The following NLGN4X variants were observed in gnomAD, a reference collection of about 807,000 sequenced individuals.
The protein encoded by NLGN4X is neuroligin 4 X-linked.
NLGN4X carries 3 observed loss-of-function variants against 40.3 expected under a neutral mutation model. The ratio of observed to expected loss-of-function variants is 0.07; its 90% CI spans 0.03 to 0.19. The LOEUF is 0.19. NLGN4X is among the 10% of genes least tolerant of loss of function. NLGN4X has a pLI of 1.00. For synonymous variants in NLGN4X, 270 were observed against 306.8 expected (o/e 0.88, Z 1.25); for missense variants, 382 against 708.3 (o/e 0.54, Z 5.23).
At chrX:5,977,599 G>A (rs952736174) in intron 3 of NLGN4X, among the ~76,000 whole-genome samples, 13 of 110,345 alleles carry the variant, frequency 1.2e-4, no homozygotes, top group Non-Finnish European at 2.3e-4. Context: ...GGCAAAAACG[G>A]TATATATTTA....
At chrX:6,125,552 C>T (rs2039524522) in intron 2 of NLGN4X, among the ~76,000 whole-genome samples, 2 of 109,549 alleles carry the variant, frequency 1.8e-5, no homozygotes, top group African/African-American at 6.6e-5. Context: ...ATACAAAATA[C>T]TATTTTAATA....
At chrX:6,086,898 C>T (rs1486068329) in intron 2 of NLGN4X, among the ~76,000 whole-genome samples, 1 of 111,396 alleles carries the variant, frequency 9.0e-6, no homozygotes, top group Non-Finnish European at 1.9e-5. Flanking sequence ...TCTCCCAAAG[C>T]GCTGCAGTCA....
intron 2 of NLGN4X, among the ~76,000 whole-genome samples, chrX:6,031,565 C>A (rs1228282766): frequency 9.0e-6 from 1 of 111,567 alleles, no homozygotes; most frequent in Admixed American, 9.5e-5. Flanking sequence ...GGTCAAAAGA[C>A]CCTGTCATGG....
chrX:6,164,345 T>C (rs1013789991), intron 1 of NLGN4X, among the ~76,000 whole-genome samples: 1 of 112,443 alleles, frequency 8.9e-6, no homozygotes, highest in Non-Finnish European at 1.9e-5. Context: ...ATATTGATCA[T>C]GTAAAGGAAA....
At chrX:6,206,709 G>A (rs1018690700) in intron 1 of NLGN4X, among the ~76,000 whole-genome samples, 3 of 111,524 alleles carry the variant, frequency 2.7e-5, no homozygotes, top group Non-Finnish European at 5.6e-5. Context: ...TCAGATGGCC[G>A]TCTTCACCCT....
At chrX:5,949,859 C>A (rs1359961212) in intron 3 of NLGN4X, among the ~76,000 whole-genome samples, 1 of 111,426 alleles carries the variant, frequency 9.0e-6, no homozygotes, top group Non-Finnish European at 1.9e-5. Context: ...ATGAAACTTA[C>A]AACCAACAGC....
chrX:5,890,389 TC>T lies in NLGN4X; in HGVS notation c.*2427del. ...GTACTAAAATCACTTTTGATCATAA[TC>T]CCCTGTAAAAGCTAAAGTTATTCAC... On this transcript the variant is annotated 3_prime_UTR_variant, in exon 6 of 6. Coordinates refer to ENST00000381095, the MANE Select transcript of NLGN4X (RefSeq NM_181332.3). 1 of 238,987 alleles carries T rather than the reference TC, an allele frequency of 4.2e-6. No individual in the cohort carries two copies. The highest frequency in any genetic ancestry group is 4.8e-5 in the South Asian group (1 of 20,844). The allele number at this position is 238,987 out of a possible 1,213,427, so 19.7% of individuals were successfully genotyped here. A position where few individuals can be genotyped will look rare whatever the true frequency, so the allele number is the denominator to read the frequency against.
At chrX:6,188,354 C>CT (rs979936740) in intron 1 of NLGN4X, among the ~76,000 whole-genome samples, 3 of 111,911 alleles carry the variant, frequency 2.7e-5, no homozygotes, top group East Asian at 2.8e-4. Context: ...GAGGAGAAAT[C>CT]TTTTTTAGCA....
intron 3 of NLGN4X, among the ~76,000 whole-genome samples, chrX:6,005,010 C>T (rs777518546): frequency 8.9e-6 from 1 of 111,816 alleles, no homozygotes; most frequent in Non-Finnish European, 1.9e-5. Context: ...TATTGCAATC[C>T]AGCAAGAAAA....
intron 2 of NLGN4X, among the ~76,000 whole-genome samples, chrX:6,092,429 T>C (rs758599577): frequency 8.9e-6 from 1 of 112,010 alleles, no homozygotes; most frequent in Non-Finnish European, 1.9e-5. Context: ...GTGGAGAATT[T>C]GGACCCTTGA....
At chrX:6,013,802 A>T (rs1239429770) in intron 3 of NLGN4X, among the ~76,000 whole-genome samples, 2 of 110,357 alleles carry the variant, frequency 1.8e-5, no homozygotes, top group African/African-American at 6.6e-5. Flanking sequence ...GACTTCAGTG[A>T]GCTATGATTA....
At chrX:6,054,881 C>A (rs756449628) in intron 2 of NLGN4X, among the ~76,000 whole-genome samples, 1 of 111,885 alleles carries the variant, frequency 8.9e-6, no homozygotes. Flanking sequence ...TAGTCTCGAA[C>A]TCCTGACCTC....
chrX:6,116,828 A>C (rs2039314263), intron 2 of NLGN4X, among the ~76,000 whole-genome samples: 1 of 111,018 alleles, frequency 9.0e-6, no homozygotes. Flanking sequence ...CCAAGTGCCA[A>C]GAAGTGCTTT....
chrX:6,003,893 T>C (rs2036035377), intron 3 of NLGN4X, among the ~76,000 whole-genome samples: 1 of 111,221 alleles, frequency 9.0e-6, no homozygotes, highest in Non-Finnish European at 1.9e-5. Flanking sequence ...GGGGCTGGTA[T>C]GGAGTTCATT....
intron 3 of NLGN4X, among the ~76,000 whole-genome samples, chrX:5,997,212 T>A (rs1307737715): frequency 9.3e-6 from 1 of 107,082 alleles, no homozygotes; most frequent in Non-Finnish European, 1.9e-5. Flanking sequence ...TGTATATATA[T>A]CTATATATAT....
At chrX:6,005,751 CAT>C (rs1349509174) in intron 3 of NLGN4X, among the ~76,000 whole-genome samples, 1 of 111,293 alleles carries the variant, frequency 9.0e-6, no homozygotes, top group African/African-American at 3.3e-5. Context: ...TAACTGGACT[CAT>C]ATCGCAGGAA....
intron 2 of NLGN4X, among the ~76,000 whole-genome samples, chrX:6,052,951 C>T (rs1027989295): frequency 4.5e-5 from 5 of 112,202 alleles, no homozygotes; most frequent in Non-Finnish European, 9.4e-5. Context: ...AATGTTTCCT[C>T]GCTTCTTTTA....
At position 5,890,917 on chromosome X, in the gene NLGN4X, T is replaced by TA; in HGVS notation, c.*1899dup. ...TAGGGATTCAGTAATCAAAGGTTGT[T>TA]ATTGCAAAAGAGCCAGGCAGCTGGA... On this transcript the variant is annotated 3_prime_UTR_variant, in exon 6 of 6. Transcript: ENST00000381095. 1 of 323,416 alleles carries TA rather than the reference T, an allele frequency of 3.1e-6. No individual in the cohort carries two copies. Among genetic ancestry groups the TA allele is most frequent in the South Asian group, 2.7e-5 (1 of 36,786 alleles). 26.7% of individuals were successfully genotyped at this position (323,416 alleles called of 1,213,427 possible).
At chrX:6,139,830 T>C (rs1348444067) in intron 2 of NLGN4X, among the ~76,000 whole-genome samples, 1 of 111,911 alleles carries the variant, frequency 8.9e-6, no homozygotes, top group African/African-American at 3.2e-5. Flanking sequence ...CTATGCTGAT[T>C]GCAAATAATG....
Sources: allele counts gnomAD v4.1 joint callset (sites outside exome capture counted in the v4.1 genomes callset), GRCh38; gene constraint gnomAD v4.1.1; transcripts MANE v1.5; gene names NCBI Gene and HGNC (gene_info 2026-07-23, HGNC 2026-07-21).